LAPTM4A: variants seen among roughly 807,000 people sequenced by gnomAD.
LAPTM4A encodes lysosomal protein transmembrane 4 alpha.
LAPTM4A carries 19 observed loss-of-function variants against 29.9 expected under a neutral mutation model. The observed-to-expected ratio is 0.64, with a 90% CI of 0.44 to 0.93. The LOEUF (loss-of-function observed/expected upper bound fraction) is 0.93, where lower values mean the gene tolerates loss of function less well. LAPTM4A is among the 40% of genes least tolerant of loss of function. LAPTM4A has a pLI of 0.00. For synonymous variants in LAPTM4A, 105 were observed against 102.1 expected (o/e 1.03, Z -0.17); for missense variants, 293 against 288.5 (o/e 1.02, Z -0.11).
intron 1 of LAPTM4A, among the ~76,000 whole-genome samples, chr2:20,047,501 T>C (rs1673955059): frequency 1.4e-5 from 2 of 141,124 alleles, no homozygotes; most frequent in African/African-American, 5.3e-5. Flanking sequence ...CCATCCTGGC[T>C]AACAAGGTGA....
chr2:20,051,364 G>T, intron 1 of LAPTM4A, 46 bp downstream of exon 1: 1 of 674,204 alleles, frequency 1.5e-6, no homozygotes, highest in Non-Finnish European at 2.2e-6. Context: ...ACCAGGCCCC[G>T]CTCCCCAGGC....
At chr2:20,047,696 C>CAAAAAAAAAAAAAG (rs1553332097) in intron 1 of LAPTM4A, among the ~76,000 whole-genome samples, 2 of 76,720 alleles carry the variant, frequency 2.6e-5, no homozygotes, top group African/African-American at 1.0e-4. Flanking sequence ...GACTCCGTCT[C>CAAAAAAAAAAAAAG]AAAAAAAAAA....
chr2:20,044,589 C>A (rs1245177485), intron 1 of LAPTM4A, among the ~76,000 whole-genome samples: 2 of 152,188 alleles, frequency 1.3e-5, no homozygotes, highest in Non-Finnish European at 2.9e-5. Flanking sequence ...CTAAGTCTGT[C>A]TCTTAAAAAA....
chr2:20,034,068 C>T (rs1673631022), intron 6 of LAPTM4A, among the ~76,000 whole-genome samples: 1 of 152,214 alleles, frequency 6.6e-6, no homozygotes, highest in South Asian at 2.1e-4. Flanking sequence ...CCCCTACAAA[C>T]ATGACACTAA....
intron 4 of LAPTM4A, among the ~76,000 whole-genome samples, chr2:20,036,744 A>C (rs1173037122): frequency 1.3e-5 from 2 of 152,166 alleles, no homozygotes; most frequent in African/African-American, 4.8e-5. Flanking sequence ...CCCAGCCCAG[A>C]GTTTTCCCTG....
chr2:20,050,142 A>G (rs1674021637), intron 1 of LAPTM4A, among the ~76,000 whole-genome samples: 1 of 152,202 alleles, frequency 6.6e-6, no homozygotes, highest in African/African-American at 2.4e-5. Flanking sequence ...AAACCTACAC[A>G]TTCGTGTTGT....
chr2:20,047,350 T>C (rs1397493365), intron 1 of LAPTM4A, among the ~76,000 whole-genome samples: 1 of 142,892 alleles, frequency 7.0e-6, no homozygotes, highest in Non-Finnish European at 1.5e-5. Context: ...ATCGCACCAC[T>C]GCACTCCAGC....
rs376693220 is a variant in LAPTM4A at position 20,037,659 on chromosome 2, A to G, written c.233-45T>C. ...AATCTAATTAAGCTACTTACACAAC[A>G]AAAAGAACAAAACTTCACTTAAAGC... is the stretch of plus-strand genomic sequence containing the variant. On this transcript the variant is annotated intron_variant, in intron 2 of 6. Transcript: ENST00000175091. 7.6e-5 allele frequency: 96 copies of G among 1,266,768 alleles called. No individual in the cohort carries two copies. The East Asian group carries it at 2.0e-3, about 27-fold the overall frequency. 78.5% of individuals were successfully genotyped at this position (1,266,768 alleles called of 1,614,324 possible). A position where few individuals can be genotyped will look rare whatever the true frequency, so the allele number is the denominator to read the frequency against.
At chr2:20,038,317 C>T (rs890327615) in intron 2 of LAPTM4A, among the ~76,000 whole-genome samples, 3 of 152,144 alleles carry the variant, frequency 2.0e-5, no homozygotes, top group Non-Finnish European at 4.4e-5. Context: ...AATCCATGTT[C>T]ACTAATTTTT....
chr2:20,047,950 T>A (rs1673970838), intron 1 of LAPTM4A, among the ~76,000 whole-genome samples: 1 of 152,118 alleles, frequency 6.6e-6, no homozygotes, highest in African/African-American at 2.4e-5. Context: ...TTCCTTAGTT[T>A]AAGGAAGGAA....
At chr2:20,049,880 A>G (rs896822072) in intron 1 of LAPTM4A, among the ~76,000 whole-genome samples, 1 of 152,200 alleles carries the variant, frequency 6.6e-6, no homozygotes, top group Non-Finnish European at 1.5e-5. Context: ...TTATTCATTT[A>G]GGGAAATAGA....
intron 5 of LAPTM4A, 139 bp from the exon 6 acceptor site, chr2:20,034,554 C>CCAGGCCCTTT (rs1673640181): frequency 1.6e-6 from 1 of 644,870 alleles, no homozygotes; most frequent in East Asian, 2.7e-5. Flanking sequence ...CCAGCACAGG[C>CCAGGCCCTTT]CAGGCCCTTT....
intron 1 of LAPTM4A, among the ~76,000 whole-genome samples, chr2:20,049,947 A>G (rs771481391): frequency 2.6e-5 from 4 of 152,186 alleles, no homozygotes; most frequent in Admixed American, 1.3e-4. Flanking sequence ...CAAAATGGAG[A>G]AGCTATAAAA....
intron 1 of LAPTM4A, among the ~76,000 whole-genome samples, chr2:20,042,468 A>G (rs1226156714): frequency 6.6e-6 from 1 of 152,220 alleles, no homozygotes; most frequent in African/African-American, 2.4e-5. Context: ...ATTCTGACAC[A>G]CTACAGATTT....
intron 2 of LAPTM4A, among the ~76,000 whole-genome samples, chr2:20,039,851 C>T (rs944250191): frequency 3.3e-5 from 5 of 152,010 alleles, no homozygotes; most frequent in Admixed American, 1.3e-4. Flanking sequence ...GTCGGGAGTT[C>T]GAGACCAACC....
chr2:20,051,393 A>G lies in LAPTM4A; in HGVS notation c.111+17T>C, dbSNP rs549842097. On this transcript the variant is annotated intron_variant, in intron 1 of 6. Coordinates refer to ENST00000175091, the MANE Select transcript of LAPTM4A (RefSeq NM_014713.5). ...CCCAGGCCCCCCGGACATACGCGCC[A>G]CGCCTGCCCGCCTTACCATGTACCA... 2.2e-4 allele frequency: 323 copies of G among 1,489,496 alleles called. 2 individuals are homozygous for G. The East Asian group carries it at 3.8e-3, about 17-fold the overall frequency. 92.3% of individuals were successfully genotyped at this position (1,489,496 alleles called of 1,614,324 possible).
At chr2:20,039,012 G>T (rs1673738719) in intron 2 of LAPTM4A, among the ~76,000 whole-genome samples, 1 of 151,950 alleles carries the variant, frequency 6.6e-6, no homozygotes, top group Non-Finnish European at 1.5e-5. Flanking sequence ...TGCCTCCCAG[G>T]TTCATGAGAT....
At chr2:20,034,864 C>T in intron 5 of LAPTM4A, 103 bp downstream of exon 5, 2 of 813,666 alleles carry the variant, frequency 2.5e-6, no homozygotes, top group Non-Finnish European at 4.2e-6. Context: ...ACTGTCCCCA[C>T]AAATCCTCAA....
chr2:20,047,197 G>A (rs1031665168), intron 1 of LAPTM4A, among the ~76,000 whole-genome samples: 1 of 151,146 alleles, frequency 6.6e-6, no homozygotes, highest in East Asian at 2.0e-4. Context: ...AGACAATCCC[G>A]GCCAACACGG....
Sources: allele counts gnomAD v4.1 joint callset (sites outside exome capture counted in the v4.1 genomes callset), GRCh38; gene constraint gnomAD v4.1.1; transcripts MANE v1.5; gene names NCBI Gene and HGNC (gene_info 2026-07-23, HGNC 2026-07-21).